The following GCFC2 variants were observed in gnomAD, a reference collection of about 807,000 sequenced individuals.
GCFC2 encodes the protein GC-rich sequence DNA-binding factor 2.
In GCFC2, 102 loss-of-function variants were observed where a neutral mutation model predicts 99.4. The observed-to-expected ratio is 1.03, with a 90% CI of 0.87 to 1.21. The LOEUF (loss-of-function observed/expected upper bound fraction) is 1.21. Among genes scored for constraint, GCFC2 ranks in the 50% most tolerant of loss-of-function variants. The pLI, the probability that GCFC2 is intolerant of heterozygous loss-of-function variation, is 0.00. For missense variants in GCFC2, 973 were observed against 920.9 expected (o/e 1.06, Z -0.73); for synonymous variants, 338 against 316.8 (o/e 1.07, Z -0.71).
chr2:75,710,872 C>T lies in GCFC2; in HGVS notation c.-17G>A, dbSNP rs1272613764. The stretch of plus-strand genomic sequence containing the variant: ...GTGAGCCATGGCCGAGGCCCGAGCG[C>T]CCGGCGCCCTAGAACCCGCTGAACC... On this transcript the variant is annotated 5_prime_UTR_variant, in exon 1 of 17. Coordinates refer to ENST00000321027, the MANE Select transcript of GCFC2 (RefSeq NM_003203.5). 2 of 1,536,086 alleles carry T rather than the reference C, an allele frequency of 1.3e-6. No homozygotes were observed. The highest frequency in any genetic ancestry group is 1.4e-5 in the African/African-American group (1 of 69,894).
At chr2:75,696,369 A>G in intron 4 of GCFC2, 54 bp from the exon 5 acceptor site, 1 of 796,848 alleles carries the variant, frequency 1.3e-6, no homozygotes, top group Non-Finnish European at 2.2e-6. Context: ...TTACCTTTGA[A>G]ACATTAATAG....
intron 11 of GCFC2, among the ~76,000 whole-genome samples, chr2:75,687,156 G>A (rs1329101295): frequency 1.3e-5 from 2 of 152,110 alleles, no homozygotes; most frequent in Non-Finnish European, 2.9e-5. Flanking sequence ...GGCTGGTCTT[G>A]AACTCCTGAC....
chr2:75,695,375 A>G (rs1021672381), intron 5 of GCFC2, among the ~76,000 whole-genome samples: 1 of 152,236 alleles, frequency 6.6e-6, no homozygotes, highest in African/African-American at 2.4e-5. Flanking sequence ...AATGTCCAAC[A>G]GAGAAGTATT....
chr2:75,669,754 T>C (rs559599717), intron 15 of GCFC2, among the ~76,000 whole-genome samples: 12 of 152,226 alleles, frequency 7.9e-5, no homozygotes, highest in South Asian at 6.2e-4. Flanking sequence ...TTTTTTGAGA[T>C]GGAGTTTTGC....
chr2:75,683,924 C>T (rs889642710), intron 11 of GCFC2, among the ~76,000 whole-genome samples: 7 of 151,978 alleles, frequency 4.6e-5, no homozygotes, highest in Admixed American at 2.6e-4. Context: ...TAAGAGCTAA[C>T]CATCCTAAAT....
rs148915143 is a variant in GCFC2 at position 75,705,825 on chromosome 2, C to T, written c.394+698G>A. Reference sequence around the variant, plus strand: ...AAACAAGTTATAAACCTCTGTAAGACGCCAGATAAATATTTTTCACTTTGC... The same window carrying T: ...AAACAAGTTATAAACCTCTGTAAGATGCCAGATAAATATTTTTCACTTTGC... On this transcript the variant is annotated intron_variant, in intron 2 of 16. Transcript: ENST00000321027. Among the ~76,000 whole-genome samples the T allele has an allele frequency of 3.5e-3, 526 of 152,222 alleles. 3 individuals are homozygous for T. Among genetic ancestry groups the T allele is most frequent in the African/African-American group, 0.012 (499 of 41,548 alleles).
intron 3 of GCFC2, 95 bp downstream of exon 3, chr2:75,702,104 A>C (rs1254898891): frequency 7.3e-6 from 11 of 1,515,196 alleles, no homozygotes; most frequent in Non-Finnish European, 9.7e-6. Context: ...AACACTATAA[A>C]ATGTGAGCCA....
In GCFC2 at chr2:75,664,625, G is replaced by A. The variant is rs755693804; in HGVS notation, c.*41C>T. ...TTCTTCTCAAACAAAGGAACTGAGT[G>A]TAACTATATTAAAATTTTAGCATTT... On this transcript the variant is annotated 3_prime_UTR_variant, in exon 17 of 17. Coordinates refer to ENST00000321027, the MANE Select transcript of GCFC2 (RefSeq NM_003203.5). 5 of 855,694 alleles carry A rather than the reference G, an allele frequency of 5.8e-6. No homozygotes were observed. The highest frequency in any genetic ancestry group is 9.8e-6 in the Non-Finnish European group (5 of 510,724). 53.0% of individuals were successfully genotyped at this position (855,694 alleles called of 1,614,324 possible). A position where few individuals can be genotyped will look rare whatever the true frequency, so the allele number is the denominator to read the frequency against.
intron 1 of GCFC2, 62 bp downstream of exon 1, chr2:75,710,529 C>T (rs950881171): frequency 1.4e-6 from 2 of 1,429,884 alleles, no homozygotes; most frequent in Admixed American, 5.5e-5. Context: ...GATCCAGAGA[C>T]CCCGCGGCCC....
At chr2:75,703,506 A>G (rs1680701428) in intron 2 of GCFC2, among the ~76,000 whole-genome samples, 1 of 152,272 alleles carries the variant, frequency 6.6e-6, no homozygotes, top group Non-Finnish European at 1.5e-5. Flanking sequence ...GAAGCAATAA[A>G]GAAATCACTA....
chr2:75,664,877 CA>C (rs1438055111), intron 16 of GCFC2, 94 bp from the exon 17 acceptor site: 1 of 679,290 alleles, frequency 1.5e-6, no homozygotes, highest in Non-Finnish European at 2.6e-6. Context: ...TAATCTAAAA[CA>C]AAAGCTTTAC....
In GCFC2 at chr2:75,664,611, C is replaced by T; in HGVS notation, c.*55G>A. 3.8e-6 allele frequency: 3 copies of T among 784,910 alleles called. No homozygotes were observed. The highest frequency in any genetic ancestry group is 2.5e-5 in the East Asian group (1 of 40,114). 48.6% of individuals were successfully genotyped at this position (784,910 alleles called of 1,614,324 possible). ...AGAGAGGCACCAGCTTCTTCTCAAA[C>T]AAAGGAACTGAGTGTAACTATATTA... On this transcript the variant is annotated 3_prime_UTR_variant, in exon 17 of 17. Transcript: ENST00000321027.
chr2:75,683,096 C>T (rs879657950), intron 11 of GCFC2, among the ~76,000 whole-genome samples: 1 of 151,702 alleles, frequency 6.6e-6, no homozygotes, highest in African/African-American at 2.4e-5. Context: ...ACAGAGAACA[C>T]CACAAAGATA....
In GCFC2 at chr2:75,710,680, T is replaced by C; in HGVS notation, c.176A>G (p.His59Arg). Residue 59 changes from histidine to arginine, a missense_variant, in exon 1 of 17, where the codon CAC becomes CGC. Coordinates refer to ENST00000321027, the MANE Select transcript of GCFC2 (RefSeq NM_003203.5). ...GGRAQVAGLPHRVRGPRGRGR... is the reference protein window; with the variant it reads ...GGRAQVAGLPRRVRGPRGRGR... ...CCGGCCACGAGGGCCCCGAACCCGG[T>C]GGGGCAGTCCCGCCACCTGCGCGCG... 3 of 1,524,816 alleles carry C rather than the reference T, an allele frequency of 2.0e-6. No individual in the cohort carries two copies. Among genetic ancestry groups the C allele is most frequent in the African/African-American group, 1.4e-5 (1 of 70,094 alleles). The allele number at this position is 1,524,816 out of a possible 1,614,324, so 94.5% of individuals were successfully genotyped here. A position where few individuals can be genotyped will look rare whatever the true frequency, so the allele number is the denominator to read the frequency against.
chr2:75,675,174 T>C (rs1000893498), intron 12 of GCFC2, among the ~76,000 whole-genome samples: 1 of 152,214 alleles, frequency 6.6e-6, no homozygotes, highest in Non-Finnish European at 1.5e-5. Flanking sequence ...ATATGGATGG[T>C]AGATTAAGTG....
At chr2:75,706,734 A>G in intron 1 of GCFC2, 83 bp from the exon 2 acceptor site, 1 of 862,136 alleles carries the variant, frequency 1.2e-6, no homozygotes, top group South Asian at 1.6e-5. Flanking sequence ...CACATGGCAT[A>G]TGTATAATAC....
chr2:75,672,632 T>C (rs1051040568), intron 13 of GCFC2, among the ~76,000 whole-genome samples: 2 of 152,082 alleles, frequency 1.3e-5, no homozygotes, highest in African/African-American at 4.8e-5. Context: ...CATCAAATAC[T>C]CGTTTTATAA....
chr2:75,676,571 CTG>C (rs1553433195), intron 12 of GCFC2, among the ~76,000 whole-genome samples: 1 of 151,990 alleles, frequency 6.6e-6, no homozygotes, highest in Non-Finnish European at 1.5e-5. Context: ...AAGGTCTAAT[CTG>C]TGGGTATTAT....
chr2:75,712,272 C>A (rs968709670), upstream of GCFC2, among the ~76,000 whole-genome samples: 3 of 116,744 alleles, frequency 2.6e-5, no homozygotes, highest in Admixed American at 8.6e-5. Context: ...CACTCTGTAT[C>A]TAGCTCAAGG....
Sources: gnomAD v4.1 joint callset for allele counts (sites outside exome capture counted in the v4.1 genomes callset) on GRCh38, gnomAD v4.1.1 for gene constraint, MANE v1.5 for transcripts, NCBI Gene and HGNC (gene_info 2026-07-23, HGNC 2026-07-21) for gene names.